The following KIFBP variants were observed in gnomAD, a reference collection of about 807,000 sequenced individuals.
KIFBP encodes the protein KIF-binding protein.
Under a neutral mutation model 58.9 loss-of-function variants are expected in KIFBP, and 46 were observed. The observed-to-expected ratio is 0.78, with a 90% CI of 0.62 to 1.00. KIFBP has a LOEUF of 1.00. Among genes scored for constraint, KIFBP ranks in the 50% least tolerant of loss-of-function variants. The pLI is 0.00. For missense variants in KIFBP, 651 were observed against 752.9 expected (o/e 0.86, Z 1.58); for synonymous variants, 241 against 283.4 (o/e 0.85, Z 1.50).
chr10:69,010,921 T>C lies in KIFBP; in HGVS notation c.896T>C (p.Val299Ala), dbSNP rs1261742653. The stretch of plus-strand genomic sequence containing the variant: ...TTAGCTCCTGAAGCTGAAGGAGAAG[T>C]GCCAGAGCTTTATCATCAAAGAAAG... ...TEDTPEAEGE[V>A]PELYHQRKGE... Residue 299 changes from valine to alanine, a missense_variant, in exon 6 of 7, where the codon GTG becomes GCG. By Grantham distance (64) the Val-to-Ala change is moderately conservative. Coordinates refer to ENST00000361983, the MANE Select transcript of KIFBP (RefSeq NM_015634.4). The C allele has an allele frequency of 6.2e-7, 1 of 1,613,794 alleles. No individual in the cohort carries two copies. Among genetic ancestry groups the C allele is most frequent in the African/African-American group, 1.3e-5 (1 of 75,056 alleles).
rs764872990 is a variant in KIFBP, at chr10:68,989,031, C to A, written c.199C>A (p.Pro67Thr). The A allele has an allele frequency of 6.2e-7, 1 of 1,613,548 alleles. No homozygotes were observed. The highest frequency in any genetic ancestry group is 8.5e-7 in the Non-Finnish European group (1 of 1,179,750). The change falls in exon 1 of 7, where the codon CCG (proline) becomes ACG (threonine). Residue 67 changes from proline (P) to threonine (T), a missense_variant. Physicochemically the swap from Pro to Thr is conservative, Grantham distance 38. Coordinates refer to ENST00000361983, the MANE Select transcript of KIFBP (RefSeq NM_015634.4). ...TGAGCGGCCTGAGGCCGAGGACGGC[C>A]CGGGTGCCGGTGACCACGCCCTGGG... ...EDERPEAEDG[P>T]GAGDHALGLP...
At chr10:68,990,263 C>T (rs1372031662) in intron 1 of KIFBP, among the ~76,000 whole-genome samples, 1 of 152,170 alleles carries the variant, frequency 6.6e-6, no homozygotes. Context: ...GGCACAGTGG[C>T]TCCCATCTGT....
At chr10:68,994,824 T>C (rs1048722847) in intron 1 of KIFBP, among the ~76,000 whole-genome samples, 1 of 151,918 alleles carries the variant, frequency 6.6e-6, no homozygotes, top group Non-Finnish European at 1.5e-5. Flanking sequence ...CCAAAAGTTT[T>C]CTTGTGCTCC....
intron 1 of KIFBP, among the ~76,000 whole-genome samples, chr10:68,994,046 G>A (rs1843378822): frequency 6.6e-6 from 1 of 152,124 alleles, no homozygotes; most frequent in Non-Finnish European, 1.5e-5. Flanking sequence ...AAAATTAGCT[G>A]TGTGTGGTGG....
intron 1 of KIFBP, among the ~76,000 whole-genome samples, chr10:68,997,516 T>C (rs1363837977): frequency 6.6e-6 from 1 of 152,194 alleles, no homozygotes; most frequent in Non-Finnish European, 1.5e-5. Flanking sequence ...GATTGTAAGT[T>C]TCCCGAGGCC....
intron 5 of KIFBP, among the ~76,000 whole-genome samples, 154 bp from the exon 6 acceptor site, chr10:69,010,746 G>GA (rs1843581369): frequency 6.6e-6 from 1 of 152,116 alleles, no homozygotes; most frequent in Non-Finnish European, 1.5e-5. Flanking sequence ...TAGGATTTGG[G>GA]GGGGGATCTT....
chr10:69,008,391 A>AAAAAAAAAAAAAAAAAATATATAT, intron 4 of KIFBP, among the ~76,000 whole-genome samples: 2 of 71,590 alleles, frequency 2.8e-5, no homozygotes, highest in African/African-American at 1.6e-4. Context: ...AAAAAAAAAA[A>AAAAAAAAAAAAAAAAAATATATAT]ATATATATAT....
At chr10:68,990,378 A>T (rs1479231452) in intron 1 of KIFBP, among the ~76,000 whole-genome samples, 1 of 152,118 alleles carries the variant, frequency 6.6e-6, no homozygotes, top group East Asian at 1.9e-4. Flanking sequence ...ACAAAACAAA[A>T]CAAAACAAAA....
Position 69,016,154 on chromosome 10 carries a change from T to C in KIFBP, c.1604T>C (p.Ile535Thr), listed in dbSNP as rs1014537937. 6.2e-7 allele frequency: 1 copy of C among 1,614,208 alleles called. No individual in the cohort carries two copies. Reference protein sequence around the residue: ...RDPNKVFPEHIGEDVLRPAML... With the variant: ...RDPNKVFPEHTGEDVLRPAML... ...CCAAATAAAGTATTCCCTGAGCATA[T>C]AGGGGAAGATGTTCTTCGCCCTGCC... is the stretch of plus-strand genomic sequence containing the variant. The change falls in exon 7 of 7, where the codon ATA becomes ACA. Residue 535 changes from isoleucine (I) to threonine (T), a missense_variant. Transcript: ENST00000361983.
chr10:69,008,996 G>A, intron 5 of KIFBP, 71 bp downstream of exon 5: 2 of 1,301,472 alleles, frequency 1.5e-6, no homozygotes, highest in East Asian at 2.3e-5. Context: ...TTAAACTTTT[G>A]AAAAGTTGCA....
intron 2 of KIFBP, among the ~76,000 whole-genome samples, chr10:69,004,768 G>A (rs867994353): frequency 7.2e-5 from 11 of 152,236 alleles, no homozygotes; most frequent in Admixed American, 3.9e-4. Context: ...GGAGGCTGAG[G>A]TAGGAGGATT....
intron 4 of KIFBP, among the ~76,000 whole-genome samples, chr10:69,006,573 T>C (rs1403753239): frequency 6.6e-6 from 1 of 152,012 alleles, no homozygotes; most frequent in Admixed American, 6.6e-5. Context: ...TCCTTGAGAG[T>C]TTTTAATGCT....
intron 2 of KIFBP, among the ~76,000 whole-genome samples, chr10:69,003,331 T>G (rs1310970295): frequency 2.0e-5 from 3 of 152,234 alleles, no homozygotes; most frequent in Non-Finnish European, 4.4e-5. Flanking sequence ...ATTACTTATC[T>G]ATTGTGTTTG....
At chr10:69,000,619 C>T (rs2132110860) in intron 2 of KIFBP, 97 bp downstream of exon 2, 3 of 848,734 alleles carry the variant, frequency 3.5e-6, no homozygotes, top group East Asian at 2.5e-5. Context: ...TGACTCTTCA[C>T]TGTGCCCTAG....
At position 69,016,246 on chromosome 10, in the gene KIFBP, C is replaced by G; in HGVS notation, c.1696C>G (p.Leu566Val). The stretch of plus-strand genomic sequence containing the variant: ...CATTACTGCAGATCCCAAGAAAGAG[C>G]TGGAAAATTTGGCAACATCATTGGA... ...KIITADPKKE[L>V]ENLATSLEHY... The change falls in exon 7 of 7, where the codon CTG (leucine) becomes GTG (valine). Residue 566 changes from leucine to valine, a missense_variant. Transcript: ENST00000361983. The G allele has an allele frequency of 6.2e-7, 1 of 1,600,308 alleles. No homozygotes were observed. The highest frequency in any genetic ancestry group is 8.5e-7 in the Non-Finnish European group (1 of 1,174,132).
chr10:69,006,030 T>C (rs560354179), intron 4 of KIFBP, 115 bp downstream of exon 4: 2 of 1,022,122 alleles, frequency 2.0e-6, no homozygotes, highest in Non-Finnish European at 2.9e-6. Context: ...TTTTATGATG[T>C]ACAACTGAAG....
At position 68,989,174 on chromosome 10, in the gene KIFBP, G is replaced by C. The variant is rs577504870; in HGVS notation, c.342G>C (p.Gly114=). 1 of 1,613,752 alleles carries C rather than the reference G, an allele frequency of 6.2e-7. No homozygotes were observed. Among genetic ancestry groups the C allele is most frequent in the Admixed American group, 1.7e-5 (1 of 60,016 alleles). The change falls in exon 1 of 7, where the codon GGG becomes GGC. Residue 114 remains glycine (G), a synonymous_variant. Transcript: ENST00000361983. ...NHIDTEELSA[G]EEHLVKCLRL... Reference sequence around the variant, plus strand: ...TCGACACGGAGGAGCTGTCGGCGGGGGAGGAGCACCTGGTGAAATGCCTGC... The same window carrying C: ...TCGACACGGAGGAGCTGTCGGCGGGCGAGGAGCACCTGGTGAAATGCCTGC...
At chr10:68,990,120 C>T (rs1843323999) in intron 1 of KIFBP, among the ~76,000 whole-genome samples, 1 of 152,210 alleles carries the variant, frequency 6.6e-6, no homozygotes, top group Non-Finnish European at 1.5e-5. Context: ...TCAAGAATCA[C>T]TTCCTTTAGT....
In KIFBP at chr10:69,015,536, T is replaced by C; in HGVS notation, c.991-5T>C. 6.2e-7 allele frequency: 1 copy of C among 1,613,066 alleles called. No individual in the cohort carries two copies. Among genetic ancestry groups the C allele is most frequent in the African/African-American group, 1.3e-5 (1 of 74,930 alleles). On this transcript the variant is annotated splice_polypyrimidine_tract_variant and splice_region_variant and intron_variant, in intron 6 of 6. Transcript: ENST00000361983. ...TTAACCATAATTTATTTTTTTTTCC[T>C]TCAGGACAACATAGGAGAGCTTGAT...
Sources: allele counts gnomAD v4.1 joint callset (sites outside exome capture counted in the v4.1 genomes callset), GRCh38; gene constraint gnomAD v4.1.1; transcripts MANE v1.5; gene names NCBI Gene and HGNC (gene_info 2026-07-23, HGNC 2026-07-21).